The following PCCB variants were observed in gnomAD, a reference collection of about 807,000 sequenced individuals.
The protein encoded by PCCB is propionyl-CoA carboxylase subunit beta, also known as propionyl-CoA carboxylase beta chain, mitochondrial.
In PCCB, 43 loss-of-function variants were observed where a neutral mutation model predicts 60.7. The observed-to-expected ratio is 0.71, with a 90% CI of 0.55 to 0.91. The LOEUF (loss-of-function observed/expected upper bound fraction) is 0.91, where lower values mean the gene tolerates loss of function less well. Among genes scored for constraint, PCCB ranks in the 40% least tolerant of loss-of-function variants. PCCB has a pLI of 0.00. For missense variants in PCCB, 766 were observed against 702.8 expected, an observed-to-expected ratio of 1.09 and a Z score of -1.02; for synonymous variants, 276 against 255.9, an observed-to-expected ratio of 1.08 and a Z score of -0.75.
rs1231525336 is a variant in PCCB at position 136,327,798 on chromosome 3, C to T, written c.1398+66C>T. The T allele has an allele frequency of 3.9e-6, 5 of 1,284,214 alleles. No homozygotes were observed. In the Admixed American group the frequency reaches 5.2e-5, roughly 13 times the overall value. The allele number at this position is 1,284,214 out of a possible 1,614,324, so 79.6% of individuals were successfully genotyped here. On this transcript the variant is annotated intron_variant, in intron 13 of 14. Transcript: ENST00000251654. ...CGACTCTACCAGCGAGAGCTCAAGG[C>T]ATAGCTGGGAAATGTTGGAGAGAGG...
intron 10 of PCCB, among the ~76,000 whole-genome samples, chr3:136,325,366 CT>C (rs944525058): frequency 8.2e-5 from 12 of 146,958 alleles, no homozygotes; most frequent in East Asian, 2.0e-4. Context: ...CTTTCCTTTC[CT>C]TTTTTTTTTA....
At chr3:136,302,171 C>CATATAAGTACTA (rs1560021373) in intron 9 of PCCB, among the ~76,000 whole-genome samples, 1 of 133,084 alleles carries the variant, frequency 7.5e-6, no homozygotes, top group Non-Finnish European at 1.7e-5. Flanking sequence ...CCCACCCCGG[C>CATATAAGTACTA]TCCTGCAAGC....
chr3:136,318,664 A>G (rs1378140180), intron 10 of PCCB, among the ~76,000 whole-genome samples: 1 of 152,230 alleles, frequency 6.6e-6, no homozygotes, highest in Non-Finnish European at 1.5e-5. Flanking sequence ...TTGTCCTTTT[A>G]TATCAATCTT....
At chr3:136,297,394 C>T (rs1933984768) in intron 7 of PCCB, among the ~76,000 whole-genome samples, 1 of 152,082 alleles carries the variant, frequency 6.6e-6, no homozygotes, top group African/African-American at 2.4e-5. Flanking sequence ...TACCTATGGC[C>T]TTGTTTGGCT....
intron 10 of PCCB, 85 bp downstream of exon 10, chr3:136,317,149 T>A (rs1426873210): frequency 6.1e-5 from 86 of 1,406,018 alleles, no homozygotes; most frequent in Non-Finnish European, 4.2e-5. Context: ...GTCTTTTGCC[T>A]GTTCTTCAGA....
chr3:136,264,639 C>T lies in PCCB; in HGVS notation c.543+2574C>T, dbSNP rs915088943. Among the ~76,000 whole-genome samples the T allele has an allele frequency of 1.3e-5, 2 of 151,114 alleles. 1 individual carries two copies. The highest frequency in any genetic ancestry group is 3.0e-5 in the Non-Finnish European group (2 of 67,764). ...CTATGATCCCAGCACTTTGGGAGGC[C>T]GAGGCAGGTGGATCACGAGGTCAGG... On this transcript the variant is annotated intron_variant, in intron 5 of 14. Coordinates refer to ENST00000251654, the MANE Select transcript of PCCB (RefSeq NM_000532.5).
chr3:136,264,788 C>A (rs543574846), intron 5 of PCCB, among the ~76,000 whole-genome samples: 1 of 133,940 alleles, frequency 7.5e-6, no homozygotes, highest in Non-Finnish European at 1.6e-5. Context: ...GGCAGGAGAA[C>A]GGCATGAACC....
At chr3:136,253,664 ATTT>A (rs35923895) in intron 1 of PCCB, among the ~76,000 whole-genome samples, 3 of 123,454 alleles carry the variant, frequency 2.4e-5, no homozygotes, top group Admixed American at 8.2e-5. Context: ...GGATGACAGA[ATTT>A]TTTTTTTTTT....
At chr3:136,256,130 A>T in intron 2 of PCCB, 155 bp downstream of exon 2, 1 of 1,113,448 alleles carries the variant, frequency 9.0e-7, no homozygotes, top group Non-Finnish European at 1.3e-6. Flanking sequence ...TTTAGTAGAG[A>T]TGGGCTTTCG....
intron 10 of PCCB, chr3:136,326,307 A>C (rs765222128): frequency 1.4e-6 from 1 of 702,486 alleles, no homozygotes; most frequent in South Asian, 1.5e-5. Context: ...TTGAGCTCCT[A>C]CTCTGTGCTG....
At chr3:136,275,751 G>T (rs1942317759) in intron 5 of PCCB, among the ~76,000 whole-genome samples, 2 of 152,018 alleles carry the variant, frequency 1.3e-5, no homozygotes, top group African/African-American at 4.8e-5. Context: ...TTCTTTAGAT[G>T]CTGGTTGTAT....
At chr3:136,284,088 G>A in intron 6 of PCCB, 141 bp downstream of exon 6, 1 of 695,050 alleles carries the variant, frequency 1.4e-6, no homozygotes, top group Non-Finnish European at 2.6e-6. Context: ...AGGTGTTAAT[G>A]GAGAGAGGGT....
At position 136,256,634 on chromosome 3, in the gene PCCB, A is replaced by G; in HGVS notation, c.372+11A>G. The G allele has an allele frequency of 1.3e-6, 2 of 1,586,228 alleles. No homozygotes were observed. Among genetic ancestry groups the G allele is most frequent in the Non-Finnish European group, 1.7e-6 (2 of 1,154,674 alleles). On this transcript the variant is annotated intron_variant, in intron 3 of 14. Transcript: ENST00000251654. ...TATGTCTTCAGTCAGGTATTTCATA[A>G]CTCCAATAGTCTGAACTTTTCTTGG... is the stretch of plus-strand genomic sequence containing the variant.
chr3:136,306,170 A>G (rs1281950643), intron 9 of PCCB, among the ~76,000 whole-genome samples: 2 of 123,208 alleles, frequency 1.6e-5, no homozygotes, highest in African/African-American at 5.0e-5. Context: ...TAAGAAAACA[A>G]AAAGTGAGAA....
Position 136,292,287 on chromosome 3 carries a change from A to C in PCCB, c.655-1469A>C, listed in dbSNP as rs536020719. Among the ~76,000 whole-genome samples, 5 of 151,312 alleles carry C rather than the reference A, an allele frequency of 3.3e-5. No individual in the cohort carries two copies. In the East Asian group the frequency reaches 9.7e-4, roughly 29 times the overall value. Reference sequence around the variant, plus strand: ...ATAAGGCTGCTATAAACATTTGTTTAGAAGTCTGTGTGAAGTGGGGAAGAC... The same window carrying C: ...ATAAGGCTGCTATAAACATTTGTTTCGAAGTCTGTGTGAAGTGGGGAAGAC... On this transcript the variant is annotated intron_variant, in intron 6 of 14. Transcript: ENST00000251654.
chr3:136,312,963 T>C (rs1474563279), intron 9 of PCCB, among the ~76,000 whole-genome samples: 1 of 152,184 alleles, frequency 6.6e-6, no homozygotes, highest in Non-Finnish European at 1.5e-5. Context: ...ACAAAAAAGA[T>C]ATAAAATGGA....
intron 6 of PCCB, among the ~76,000 whole-genome samples, chr3:136,290,979 T>C (rs1933662089): frequency 6.6e-6 from 1 of 152,078 alleles, no homozygotes; most frequent in African/African-American, 2.4e-5. Context: ...TCCTCAAGCA[T>C]GCCCAGTCTA....
intron 3 of PCCB, among the ~76,000 whole-genome samples, chr3:136,257,227 G>A (rs907359327): frequency 2.0e-5 from 3 of 152,178 alleles, no homozygotes; most frequent in African/African-American, 7.2e-5. Flanking sequence ...CTTAAAAGTG[G>A]AAGAGGGAGG....
chr3:136,250,353 G>GGGGACGCGCCGGCAC lies in PCCB; in HGVS notation c.-22_-8dup. 6.7e-7 allele frequency: 1 copy of GGGGACGCGCCGGCAC among 1,493,140 alleles called. No individual in the cohort carries two copies. Among genetic ancestry groups the GGGGACGCGCCGGCAC allele is most frequent in the Non-Finnish European group, 9.0e-7 (1 of 1,116,524 alleles). 92.5% of individuals were successfully genotyped at this position (1,493,140 alleles called of 1,614,324 possible). A position where few individuals can be genotyped will look rare whatever the true frequency, so the allele number is the denominator to read the frequency against. On this transcript the variant is annotated 5_prime_UTR_variant, in exon 1 of 15. Coordinates refer to ENST00000251654, the MANE Select transcript of PCCB (RefSeq NM_000532.5). The stretch of plus-strand genomic sequence containing the variant: ...ACATGCGTACTCAGGTGCGCCGGTA[G>GGGGACGCGCCGGCAC]GGGACGCGCCGGCACAGCAAAAATG...
Sources: gnomAD v4.1 joint callset for allele counts (sites outside exome capture counted in the v4.1 genomes callset) on GRCh38, gnomAD v4.1.1 for gene constraint, MANE v1.5 for transcripts, NCBI Gene and HGNC (gene_info 2026-07-23, HGNC 2026-07-21) for gene names.